Variants in GRPR observed in about 807,000 individuals in gnomAD.
The protein encoded by GRPR is gastrin releasing peptide receptor.
Under a neutral mutation model 15.6 loss-of-function variants are expected in GRPR, and 4 were observed. The observed-to-expected ratio is 0.26, with a 90% CI of 0.13 to 0.59. The LOEUF (loss-of-function observed/expected upper bound fraction) is 0.59, where lower values mean the gene tolerates loss of function less well. Ranked by LOEUF, GRPR falls within the 20% of genes least tolerant of loss-of-function variation. GRPR has a pLI of 0.90. For synonymous variants in GRPR, 128 were observed against 126.8 expected (o/e 1.01, Z -0.06); for missense variants, 270 against 304.1 (o/e 0.89, Z 0.83).
intron 1 of GRPR, among the ~76,000 whole-genome samples, chrX:16,139,677 G>A (rs754585071): frequency 8.9e-6 from 1 of 111,762 alleles, no homozygotes; most frequent in South Asian, 3.7e-4. Context: ...CACAGATGAA[G>A]AAAATGGAGG....
intron 1 of GRPR, among the ~76,000 whole-genome samples, chrX:16,140,309 G>A (rs1922512227): frequency 8.9e-6 from 1 of 112,405 alleles, no homozygotes; most frequent in East Asian, 2.8e-4. Flanking sequence ...AAATGATAAT[G>A]TATTTTATTA....
chrX:16,153,062 A>G lies in GRPR; in HGVS notation c.*417A>G, dbSNP rs1020636135. On this transcript the variant is annotated 3_prime_UTR_variant, in exon 3 of 3. Transcript: ENST00000380289. ...CTTGTCATTTCTTTAAGCAGACGCT[A>G]GTACTTTAGAAATATAACTTGACTC... 7.5e-5 allele frequency: 12 copies of G among 160,944 alleles called. No homozygotes were observed. The highest frequency in any genetic ancestry group is 3.3e-4 in the African/African-American group (11 of 33,297). The allele number at this position is 160,944 out of a possible 1,213,427, so 13.3% of individuals were successfully genotyped here.
In GRPR at chrX:16,123,998, T is replaced by C; in HGVS notation, c.45T>C (p.His15=). ...DCFLLNLEVD[H]FMHCNISSHS... Reference sequence around the variant, plus strand: ...TCCTTCTGAACTTGGAGGTGGACCATTTCATGCACTGCAACATCTCCAGTC... The same window carrying C: ...TCCTTCTGAACTTGGAGGTGGACCACTTCATGCACTGCAACATCTCCAGTC... The change falls in exon 1 of 3, where the codon CAT becomes CAC. Residue 15 remains histidine (H), a synonymous_variant. Coordinates refer to ENST00000380289, the MANE Select transcript of GRPR (RefSeq NM_005314.3). 1 of 1,206,758 alleles carries C rather than the reference T, an allele frequency of 8.3e-7. No homozygotes were observed. The highest frequency in any genetic ancestry group is 1.1e-6 in the Non-Finnish European group (1 of 891,266).
In GRPR at chrX:16,140,686, C is replaced by T. The variant is rs139624655; in HGVS notation, c.414-9619C>T. Reference sequence around the variant, plus strand: ...CTGGAACGTGTTAACTGTGGTTTCTCAGGGGATTCCCAGCAAGAATGTGCC... The same window carrying T: ...CTGGAACGTGTTAACTGTGGTTTCTTAGGGGATTCCCAGCAAGAATGTGCC... On this transcript the variant is annotated intron_variant, in intron 1 of 2. Transcript: ENST00000380289. 6.5e-3 allele frequency among the ~76,000 whole-genome samples: 725 copies of T among 112,172 alleles called. 1 individual carries two copies. Among genetic ancestry groups the T allele is most frequent in the Non-Finnish European group, 0.01 (547 of 53,168 alleles).
At chrX:16,147,406 G>A (rs1284881464) in intron 1 of GRPR, among the ~76,000 whole-genome samples, 1 of 111,174 alleles carries the variant, frequency 9.0e-6, no homozygotes, top group Non-Finnish European at 1.9e-5. Flanking sequence ...GAGCCTACAC[G>A]TTGCATTTGG....
At position 16,152,923 on chromosome X, in the gene GRPR, C is replaced by G. The variant is rs751607110; in HGVS notation, c.*278C>G. The G allele has an allele frequency of 1.9e-5, 7 of 365,008 alleles. No homozygotes were observed. Among genetic ancestry groups the G allele is most frequent in the Non-Finnish European group, 3.4e-5 (7 of 207,600 alleles). 30.1% of individuals were successfully genotyped at this position (365,008 alleles called of 1,213,427 possible). On this transcript the variant is annotated 3_prime_UTR_variant, in exon 3 of 3. Transcript: ENST00000380289. ...AACAAGTAGAAAATTATTTTTTAAG[C>G]CTCAAGCCCTGTTAAATGGTCGTGG...
In GRPR at chrX:16,152,586, C is replaced by T; in HGVS notation, c.1096C>T (p.Pro366Ser). ...TCMTSLKSTN[P>S]SVATFSLING... ...CATGACCTCCCTCAAGAGTACCAAC[C>T]CCTCCGTGGCCACCTTTAGCCTCAT... Residue 366 changes from proline to serine, a missense_variant, in exon 3 of 3, where the codon CCC becomes TCC. Transcript: ENST00000380289. The T allele has an allele frequency of 1.7e-6, 2 of 1,206,598 alleles. No homozygotes were observed. Among genetic ancestry groups the T allele is most frequent in the Non-Finnish European group, 2.2e-6 (2 of 890,778 alleles).
chrX:16,139,907 G>C (rs1445224458), intron 1 of GRPR, among the ~76,000 whole-genome samples: 1 of 112,582 alleles, frequency 8.9e-6, no homozygotes, highest in Non-Finnish European at 1.9e-5. Context: ...TTCTTGAAAA[G>C]TGTCGAGAAC....
At chrX:16,146,318 G>A (rs1206672520) in intron 1 of GRPR, among the ~76,000 whole-genome samples, 4 of 111,373 alleles carry the variant, frequency 3.6e-5, no homozygotes, top group Non-Finnish European at 7.5e-5. Flanking sequence ...ATTATAACAG[G>A]ACATCTCTTG....
intron 1 of GRPR, among the ~76,000 whole-genome samples, chrX:16,142,366 T>C (rs1922541696): frequency 8.9e-6 from 1 of 112,202 alleles, no homozygotes; most frequent in African/African-American, 3.2e-5. Flanking sequence ...CCCACCCACA[T>C]TCAGCAATTA....
intron 1 of GRPR, among the ~76,000 whole-genome samples, chrX:16,143,487 A>G (rs1035852047): frequency 8.9e-5 from 10 of 112,411 alleles, no homozygotes; most frequent in Middle Eastern, 4.2e-3. Context: ...AAGATTCCCA[A>G]ATATTAATAT....
Position 16,152,754 on chromosome X carries a change from C to T in GRPR, c.*109C>T. 1.6e-6 allele frequency: 1 copy of T among 644,468 alleles called. No individual in the cohort carries two copies. The highest frequency in any genetic ancestry group is 2.6e-6 in the Non-Finnish European group (1 of 389,302). The allele number at this position is 644,468 out of a possible 1,213,427, so 53.1% of individuals were successfully genotyped here. A position where few individuals can be genotyped will look rare whatever the true frequency, so the allele number is the denominator to read the frequency against. On this transcript the variant is annotated 3_prime_UTR_variant, in exon 3 of 3. Transcript: ENST00000380289. ...CCTCCAAAGAGCCTTCAGAATGCTC[C>T]TGAGTGGTGTAGGTGGGGGTGGGGA...
At position 16,123,831 on chromosome X, in the gene GRPR, T is replaced by C. The variant is rs754968075; in HGVS notation, c.-123T>C. 1.6e-5 allele frequency: 9 copies of C among 558,116 alleles called. No homozygotes were observed. Among genetic ancestry groups the C allele is most frequent in the Non-Finnish European group, 2.8e-5 (9 of 324,908 alleles). The allele number at this position is 558,116 out of a possible 1,213,427, so 46.0% of individuals were successfully genotyped here. On this transcript the variant is annotated 5_prime_UTR_variant, in exon 1 of 3. Coordinates refer to ENST00000380289, the MANE Select transcript of GRPR (RefSeq NM_005314.3). Reference sequence around the variant, plus strand: ...ATAGTTAGTATATATGTACTCAGAGTATTTTTATTAAAGAAGGCAAAGAGC... The same window carrying C: ...ATAGTTAGTATATATGTACTCAGAGCATTTTTATTAAAGAAGGCAAAGAGC...
intron 1 of GRPR, among the ~76,000 whole-genome samples, chrX:16,144,849 GA>G (rs1292974023): frequency 8.9e-6 from 1 of 111,962 alleles, no homozygotes; most frequent in Non-Finnish European, 1.9e-5. Context: ...TGAGAAGTTG[GA>G]AATAAGAGAC....
intron 1 of GRPR, among the ~76,000 whole-genome samples, chrX:16,142,155 T>C (rs1049568360): frequency 1.8e-5 from 2 of 112,177 alleles, no homozygotes; most frequent in African/African-American, 6.5e-5. Context: ...TAATCAGATA[T>C]GACACATTCA....
rs780963180 is a variant in GRPR at position 16,123,842 on chromosome X, A to G, written c.-112A>G. On this transcript the variant is annotated 5_prime_UTR_variant, in exon 1 of 3. The change abolishes the stop of an existing upstream ORF in the 5' untranslated region. Transcript: ENST00000380289. ...ATATGTACTCAGAGTATTTTTATTA[A>G]AGAAGGCAAAGAGCCCGGCATAGAT... is the stretch of plus-strand genomic sequence containing the variant. 1.2e-4 allele frequency: 71 copies of G among 597,550 alleles called. No individual in the cohort carries two copies. Among genetic ancestry groups the G allele is most frequent in the Non-Finnish European group, 2.0e-4 (71 of 358,434 alleles). The allele number at this position is 597,550 out of a possible 1,213,427, so 49.2% of individuals were successfully genotyped here.
intron 1 of GRPR, among the ~76,000 whole-genome samples, chrX:16,149,645 CAAAAA>C (rs575381418): frequency 4.9e-5 from 3 of 61,216 alleles, no homozygotes; most frequent in African/African-American, 6.4e-5. Context: ...AAGGTTTTGC[CAAAAA>C]AAAAAAAAAA....
At chrX:16,152,109 G>T in intron 2 of GRPR, 147 bp from the exon 3 acceptor site, 1 of 532,507 alleles carries the variant, frequency 1.9e-6, no homozygotes. Context: ...CTCTCCTATT[G>T]AACTCTTTTT....
intron 1 of GRPR, among the ~76,000 whole-genome samples, chrX:16,137,351 T>A (rs894784522): frequency 8.9e-6 from 1 of 112,008 alleles, no homozygotes; most frequent in African/African-American, 3.2e-5. Context: ...CTAACTGTTG[T>A]TTAAATGAAA....
Sources: gnomAD v4.1 joint callset for allele counts (sites outside exome capture counted in the v4.1 genomes callset) on GRCh38, gnomAD v4.1.1 for gene constraint, MANE v1.5 for transcripts, NCBI Gene and HGNC (gene_info 2026-07-23, HGNC 2026-07-21) for gene names.